Variants in USP35 observed in about 807,000 individuals in gnomAD.
USP35 encodes the protein ubiquitin carboxyl-terminal hydrolase 35.
In USP35, 69 loss-of-function variants were observed where a neutral mutation model predicts 83.8. That is an observed-to-expected ratio of 0.82 (90% CI 0.68 to 1.01). USP35 has a LOEUF of 1.01. Among genes scored for constraint, USP35 ranks in the 50% least tolerant of loss-of-function variants. The pLI is 0.00. For missense variants in USP35, 1,503 were observed against 1,362.5 expected (o/e 1.10, Z -1.62); for synonymous variants, 714 against 589.5 (o/e 1.21, Z -3.06).
chr11:78,217,636 C>G (rs773477010), downstream of USP35: 14 of 152,346 alleles, frequency 9.2e-5, no homozygotes, highest in African/African-American at 3.4e-4. Context: ...TAGTCAAGAA[C>G]AGTCAACATA....
chr11:78,206,134 T>G, intron 7 of USP35, 99 bp downstream of exon 7: 11 of 1,345,540 alleles, frequency 8.2e-6, no homozygotes, highest in Non-Finnish European at 8.2e-6. Context: ...TTGGAGAGGG[T>G]GGGCCTTGCT....
Position 78,205,930 on chromosome 11 carries a change from A to G in USP35, c.1286A>G (p.Tyr429Cys), listed in dbSNP as rs758526604. Residue 429 changes from tyrosine (Y) to cysteine (C), a missense_variant, in exon 7 of 11, where the codon TAT becomes TGT. Tyr to Cys is a radical substitution (Grantham distance 194). Transcript: ENST00000529308. ...CAGAAGAGCGAGCTGGCGGGTTTCTATCCCCGGCTCATGGCCAAGTCAGAC... is the reference window on the plus strand; with the variant it reads ...CAGAAGAGCGAGCTGGCGGGTTTCTGTCCCCGGCTCATGGCCAAGTCAGAC... ...TSQKSELAGF[Y>C]PRLMAKSDTG... 1.2e-6 allele frequency: 2 copies of G among 1,614,232 alleles called. No individual in the cohort carries two copies. Among genetic ancestry groups the G allele is most frequent in the Non-Finnish European group, 1.7e-6 (2 of 1,180,036 alleles).
At chr11:78,197,624 C>T (rs991900999) in intron 2 of USP35, among the ~76,000 whole-genome samples, 2 of 152,182 alleles carry the variant, frequency 1.3e-5, no homozygotes, top group African/African-American at 4.8e-5. Context: ...TCTCCTTCCT[C>T]CAGTCCACGC....
the USP35 span, chr11:78,221,919 T>C: frequency 1.5e-6 from 1 of 681,280 alleles, no homozygotes; most frequent in Non-Finnish European, 2.6e-6. Flanking sequence ...AGATCTGATA[T>C]AGGGCAGGTA....
the USP35 span, among the ~76,000 whole-genome samples, chr11:78,233,323 C>T: frequency 6.6e-6 from 1 of 152,204 alleles, no homozygotes; most frequent in Non-Finnish European, 1.5e-5. Flanking sequence ...GCATGAGCCA[C>T]TGCGTCTGGC....
chr11:78,210,486 T>C lies in USP35; in HGVS notation c.2631T>C (p.Ser877=), dbSNP rs1174168411. 13 of 1,614,214 alleles carry C rather than the reference T, an allele frequency of 8.1e-6. No individual in the cohort carries two copies. The highest frequency in any genetic ancestry group is 3.3e-5 in the South Asian group (3 of 91,090). The change falls in exon 10 of 11, where the codon TCT becomes TCC. Residue 877 remains serine (S), a synonymous_variant. Coordinates refer to ENST00000529308, the MANE Select transcript of USP35 (RefSeq NM_020798.4). ...AREGAARPAA[S]LGTADRPEPE... ...AGGGCGCTGCCCGCCCTGCCGCTTC[T>C]CTGGGAACTGCCGATAGGCCAGAGC... is the stretch of plus-strand genomic sequence containing the variant.
chr11:78,214,921 G>T lies in USP35; in HGVS notation c.*1108G>T, dbSNP rs189253904. On this transcript the variant is annotated 3_prime_UTR_variant, in exon 11 of 11. Coordinates refer to ENST00000529308, the MANE Select transcript of USP35 (RefSeq NM_020798.4). Reference sequence around the variant, plus strand: ...TACTGAGGGCTGGGTGATGCTGCCCGTGGAGAGGATGCACCTGGGAGGCAG... The same window carrying T: ...TACTGAGGGCTGGGTGATGCTGCCCTTGGAGAGGATGCACCTGGGAGGCAG... Among the ~76,000 whole-genome samples the T allele has an allele frequency of 2.0e-3, 306 of 152,198 alleles. No homozygotes were observed. Among genetic ancestry groups the T allele is most frequent in the African/African-American group, 7.2e-3 (297 of 41,528 alleles).
rs1863656702 is a variant in USP35 at position 78,209,549 on chromosome 11, CTG to C, written c.1697_1698del (p.Val566GlyfsTer38). On this transcript the variant is annotated frameshift_variant, in exon 10 of 11. Coordinates refer to ENST00000529308, the MANE Select transcript of USP35 (RefSeq NM_020798.4). LOFTEE classifies it high-confidence loss of function. ...GAGCCCCCGGCCCCAAGTTCAACCTCTGTGGAAAAAATGTTTGGAGGCAAGAT... is the reference window on the plus strand; with the variant it reads ...GAGCCCCCGGCCCCAAGTTCAACCTCTGGAAAAAATGTTTGGAGGCAAGAT... 6.2e-7 allele frequency: 1 copy of C among 1,614,154 alleles called. No homozygotes were observed.
At chr11:78,201,394 A>C (rs1352014418) in intron 6 of USP35, among the ~76,000 whole-genome samples, 1 of 152,254 alleles carries the variant, frequency 6.6e-6, no homozygotes, top group Non-Finnish European at 1.5e-5. Context: ...GGGCATGGGC[A>C]TGAAGCAAAC....
At chr11:78,210,830 C>A in intron 10 of USP35, 86 bp downstream of exon 10, 1 of 1,377,148 alleles carries the variant, frequency 7.3e-7, no homozygotes, top group Non-Finnish European at 9.6e-7. Context: ...CATTTCCCCT[C>A]TAAGTCTTTT....
chr11:78,198,543 C>A, intron 3 of USP35: 2 of 897,678 alleles, frequency 2.2e-6, no homozygotes, highest in Non-Finnish European at 2.7e-6. Context: ...ACCTGCCTGT[C>A]CAGTTGTCCC....
chr11:78,226,584 G>A, the USP35 span: 1 of 938,554 alleles, frequency 1.1e-6, no homozygotes, highest in Non-Finnish European at 1.6e-6. Context: ...CCATCGAGGT[G>A]TTTCTGCCTG....
At chr11:78,191,477 T>C (rs1027146011) in intron 1 of USP35, among the ~76,000 whole-genome samples, 1 of 152,184 alleles carries the variant, frequency 6.6e-6, no homozygotes, top group African/African-American at 2.4e-5. Flanking sequence ...AGTCACCTTC[T>C]ATTTGGGCAT....
rs766406014 is a variant in USP35, at chr11:78,200,787, G to T, written c.1176G>T (p.Glu392Asp). The T allele has an allele frequency of 2.5e-6, 4 of 1,612,026 alleles. No individual in the cohort carries two copies. The Middle Eastern group carries it at 5.0e-4, about 200-fold the overall frequency. The change falls in exon 6 of 11, where the codon GAG becomes GAT. Residue 392 changes from glutamate to aspartate, a missense_variant. Physicochemically the swap from Glu to Asp is conservative, Grantham distance 45. Coordinates refer to ENST00000529308, the MANE Select transcript of USP35 (RefSeq NM_020798.4). ...FRFPGFPDLY[E>D]PVMEAIKDLH... ...TCCCGGGCTTCCCGGATCTGTATGA[G>T]CCTGTCATGGAGGCCATCAAGGTGA...
intron 10 of USP35, among the ~76,000 whole-genome samples, chr11:78,213,253 T>C (rs1257472745): frequency 1.3e-5 from 2 of 152,120 alleles, no homozygotes; most frequent in East Asian, 1.9e-4. Flanking sequence ...AGGATCGCCA[T>C]GAGGCTGACG....
chr11:78,199,409 C>A, intron 3 of USP35, 186 bp from the exon 4 acceptor site: 1 of 821,892 alleles, frequency 1.2e-6, no homozygotes. Context: ...CAGTGTCTGG[C>A]AGGTGGCTGT....
Position 78,196,875 on chromosome 11 carries a change from C to A in USP35, c.630C>A (p.Ile210=). The A allele has an allele frequency of 6.8e-7, 1 of 1,473,438 alleles. No homozygotes were observed. The highest frequency in any genetic ancestry group is 1.4e-5 in the African/African-American group (1 of 69,366). The allele number at this position is 1,473,438 out of a possible 1,614,324, so 91.3% of individuals were successfully genotyped here. The change falls in exon 2 of 11, where the codon ATC becomes ATA. Residue 210 remains isoleucine (I), a synonymous_variant. Transcript: ENST00000529308. This position sits in a 1 kb window ranked among gnomAD's most constrained non-coding sequence, Gnocchi z 4.8. ...AQLWRAQPAA[I]LPCLKELFAV... is the part of the protein sequence containing the mutation. ...TGTGGCGCGCACAGCCCGCCGCCAT[C>A]CTGCCCTGCCTCAAAGAGCTGTTCG...
chr11:78,227,225 G>C, the USP35 span, among the ~76,000 whole-genome samples: 1 of 152,178 alleles, frequency 6.6e-6, no homozygotes, highest in East Asian at 1.9e-4. Context: ...AACAATGTTA[G>C]ACTTCATCCG....
the USP35 span, among the ~76,000 whole-genome samples, chr11:78,236,887 G>A: frequency 2.7e-3 from 410 of 151,972 alleles, 3 homozygotes; most frequent in African/African-American, 8.8e-3. Context: ...TATATATATT[G>A]TCCCAAACAG....
Sources: gnomAD v4.1 joint callset for allele counts (sites outside exome capture counted in the v4.1 genomes callset) on GRCh38, gnomAD v4.1.1 for gene constraint, Gnocchi (gnomAD v3.1) non-coding constraint, MANE v1.5 for transcripts, NCBI Gene and HGNC (gene_info 2026-07-23, HGNC 2026-07-21) for gene names.